Variants in ATR observed in about 807,000 individuals in gnomAD.
ATR encodes serine/threonine-protein kinase ATR.
ATR carries 142 observed loss-of-function variants against 305.3 expected under a neutral mutation model. That is an observed-to-expected ratio of 0.47 (90% confidence interval 0.41 to 0.53). ATR has a LOEUF of 0.53. Ranked by LOEUF, ATR falls within the 20% of genes least tolerant of loss-of-function variation. The pLI, the probability that ATR is intolerant of heterozygous loss-of-function variation, is 0.00. For missense variants in ATR, 2,135 were observed against 3,133.1 expected, an observed-to-expected ratio of 0.68 and a Z score of 7.60; for synonymous variants, 1,050 against 1,068.1, an observed-to-expected ratio of 0.98 and a Z score of 0.33.
chr3:142,562,224 T>G lies in ATR; in HGVS notation c.1170+8A>C, dbSNP rs1384256765. 8.7e-6 allele frequency: 14 copies of G among 1,613,860 alleles called. No homozygotes were observed. The highest frequency in any genetic ancestry group is 2.7e-5 in the African/African-American group (2 of 75,002). On this transcript the variant is annotated splice_region_variant and intron_variant, in intron 4 of 46. Transcript: ENST00000350721. ...CATACTTAACTAGTAACCTGAAAAA[T>G]TACTTACCTCTGCATCTACCTCAAT... is the stretch of plus-strand genomic sequence containing the variant.
rs1553758697 is a variant in ATR, at chr3:142,496,323, T to TAC, written c.5898+37_5898+38insGT. ...ATATATATATATATATATATATATA[T>TAC]ATATATATATATATGATGACATTTC... On this transcript the variant is annotated intron_variant, in intron 34 of 46. Coordinates refer to ENST00000350721, the MANE Select transcript of ATR (RefSeq NM_001184.4). The TAC allele has an allele frequency of 4.9e-5, 15 of 308,928 alleles. 1 individual carries two copies. Among genetic ancestry groups the TAC allele is most frequent in the African/African-American group, 3.4e-4 (10 of 29,794 alleles). The allele number at this position is 308,928 out of a possible 1,614,324, so 19.1% of individuals were successfully genotyped here.
intron 23 of ATR, among the ~76,000 whole-genome samples, chr3:142,521,483 T>G (rs1203093732): frequency 6.6e-6 from 1 of 152,238 alleles, no homozygotes; most frequent in African/African-American, 2.4e-5. Context: ...CAGATAGTAA[T>G]TCCTCTGATG....
At chr3:142,577,989 A>G (rs935234293) in intron 1 of ATR, among the ~76,000 whole-genome samples, 3 of 152,316 alleles carry the variant, frequency 2.0e-5, no homozygotes, top group Admixed American at 6.5e-5. Flanking sequence ...AATTTTGGCA[A>G]CACTCTGTGC....
At chr3:142,450,526 C>G in intron 46 of ATR, 1 of 1,605,790 alleles carries the variant, frequency 6.2e-7, no homozygotes, top group East Asian at 2.2e-5. Context: ...TTCTCATATC[C>G]AGAAAATCAG....
chr3:142,553,311 T>C lies in ATR; in HGVS notation c.2721A>G (p.Ala907=), dbSNP rs1306543399. Residue 907 remains alanine (A), a synonymous_variant, in exon 13 of 47, where the codon GCA becomes GCG. Transcript: ENST00000350721. ...LSKSASVSGA[A]YTEIRALVAA... ...CAACCAGAGCTCTAATTTCTGTGTA[T>C]GCTGCTCCAGAGACAGATGCTGACT... 1.9e-6 allele frequency: 3 copies of C among 1,614,124 alleles called. No individual in the cohort carries two copies. The Admixed American group carries it at 5.0e-5, about 27-fold the overall frequency.
chr3:142,560,282 A>G lies in ATR; in HGVS notation c.1522T>C (p.Ser508Pro). 1 of 1,613,976 alleles carries G rather than the reference A, an allele frequency of 6.2e-7. No homozygotes were observed. The highest frequency in any genetic ancestry group is 2.2e-5 in the East Asian group (1 of 44,808). ...QLTALCTVHCSHQNMNCRTFK... is the reference protein window; with the variant it reads ...QLTALCTVHCPHQNMNCRTFK... ...TTTTACCAGTTCATGTTTTGATGAG[A>G]ACAATGAACAGTACACAGAGCAGTC... The change falls in exon 6 of 47, where the codon TCT becomes CCT. Residue 508 changes from serine (S) to proline (P), a missense_variant. Ser to Pro is a moderately conservative substitution (Grantham distance 74). This residue lies in a region of ATR where 744 missense variants were observed against 873.2 expected (regional missense o/e 0.85). Transcript: ENST00000350721.
intron 46 of ATR, chr3:142,451,319 G>T: frequency 7.9e-7 from 1 of 1,264,898 alleles, no homozygotes. Context: ...CTGTCCTTAT[G>T]GCCAGTGTTG....
At chr3:142,482,225 C>A (rs901286532) in intron 36 of ATR, among the ~76,000 whole-genome samples, 15 of 152,080 alleles carry the variant, frequency 9.9e-5, no homozygotes, top group African/African-American at 3.6e-4. Flanking sequence ...TTCTTAAGGG[C>A]AAACATTGAT....
chr3:142,467,815 G>T lies in ATR; in HGVS notation c.6687+119C>A, dbSNP rs193023149. The T allele has an allele frequency of 4.5e-5, 49 of 1,099,672 alleles. No homozygotes were observed. The African/African-American group carries it at 7.1e-4, about 16-fold the overall frequency. 68.1% of individuals were successfully genotyped at this position (1,099,672 alleles called of 1,614,324 possible). ...CATACATAATTAAAATATACATTTTGATATATGTGTACACCTATAGTTAGA... is the reference window on the plus strand; with the variant it reads ...CATACATAATTAAAATATACATTTTTATATATGTGTACACCTATAGTTAGA... On this transcript the variant is annotated intron_variant, in intron 39 of 46. Coordinates refer to ENST00000350721, the MANE Select transcript of ATR (RefSeq NM_001184.4).
Position 142,558,339 on chromosome 3 carries a change from A to G in ATR, c.1885+285T>C, listed in dbSNP as rs146181402. ...GGAGTTCGAGACCAGCCTGGCTAACATGGTGAAACCCCGCCTCTACTAAAA... is the reference window on the plus strand; with the variant it reads ...GGAGTTCGAGACCAGCCTGGCTAACGTGGTGAAACCCCGCCTCTACTAAAA... On this transcript the variant is annotated intron_variant, in intron 8 of 46. Transcript: ENST00000350721. Among the ~76,000 whole-genome samples, 2,722 of 151,944 alleles carry G rather than the reference A, an allele frequency of 0.018. 29 individuals are homozygous for G. The highest frequency in any genetic ancestry group is 0.041 in the South Asian group (196 of 4,798).
intron 30 of ATR, among the ~76,000 whole-genome samples, chr3:142,502,786 C>G (rs1028119139): frequency 6.6e-5 from 10 of 152,332 alleles, no homozygotes; most frequent in South Asian, 2.1e-4. Context: ...GCTGTCAGCT[C>G]TCACAGCAAA....
chr3:142,450,415 T>C, intron 46 of ATR: 1 of 1,583,814 alleles, frequency 6.3e-7, no homozygotes. Flanking sequence ...TTCTTTCACT[T>C]GTGACAAGTT....
intron 36 of ATR, among the ~76,000 whole-genome samples, chr3:142,474,663 C>T (rs568604144): frequency 2.0e-5 from 3 of 152,138 alleles, no homozygotes; most frequent in African/African-American, 4.8e-5. Flanking sequence ...AAAATCATGT[C>T]GTCTGCAAAT....
chr3:142,533,439 C>T (rs1465222537), intron 21 of ATR, among the ~76,000 whole-genome samples: 1 of 152,116 alleles, frequency 6.6e-6, no homozygotes, highest in Non-Finnish European at 1.5e-5. Flanking sequence ...ATATTTTCAT[C>T]CTCACAGAAA....
intron 36 of ATR, 116 bp downstream of exon 36, chr3:142,485,024 T>C: frequency 6.9e-7 from 1 of 1,457,060 alleles, no homozygotes; most frequent in South Asian, 1.2e-5. Context: ...GGTGATACAC[T>C]GAATCAGTCA....
intron 41 of ATR, among the ~76,000 whole-genome samples, chr3:142,462,538 G>A (rs1275065423): frequency 7.3e-5 from 11 of 150,746 alleles, no homozygotes; most frequent in Non-Finnish European, 5.9e-5. Flanking sequence ...GCTCAATCTC[G>A]GCTCACTGCA....
intron 27 of ATR, among the ~76,000 whole-genome samples, chr3:142,509,973 G>A (rs947164337): frequency 2.6e-5 from 4 of 151,932 alleles, no homozygotes; most frequent in Admixed American, 2.0e-4. Context: ...AAAATTAGTC[G>A]GGTATGGTGG....
At chr3:142,540,416 G>A (rs895030477) in intron 18 of ATR, among the ~76,000 whole-genome samples, 6 of 152,096 alleles carry the variant, frequency 3.9e-5, no homozygotes, top group Non-Finnish European at 8.8e-5. Flanking sequence ...ATGTCTTTGG[G>A]AAAAATACCT....
At chr3:142,535,594 C>T (rs1467902745) in intron 20 of ATR, among the ~76,000 whole-genome samples, 1 of 152,140 alleles carries the variant, frequency 6.6e-6, no homozygotes, top group African/African-American at 2.4e-5. Context: ...GGTCAGGTGT[C>T]CCACTTTCTA....
Sources: allele counts gnomAD v4.1 joint callset (sites outside exome capture counted in the v4.1 genomes callset), GRCh38; gene constraint gnomAD v4.1.1; regional missense constraint gnomAD v4.1.1; transcripts MANE v1.5; gene names NCBI Gene and HGNC (gene_info 2026-07-23, HGNC 2026-07-21).